Variants in ELOVL6 observed in about 807,000 individuals in gnomAD.
The protein encoded by ELOVL6 is ELOVL fatty acid elongase 6.
A neutral mutation model predicts 31.7 loss-of-function variants in ELOVL6; 8 were observed. The observed-to-expected ratio is 0.25, with a 90% CI of 0.15 to 0.45. ELOVL6 has a LOEUF of 0.45. Ranked by LOEUF, ELOVL6 falls within the 20% of genes least tolerant of loss-of-function variation. The pLI is 1.00. For missense variants in ELOVL6, 126 were observed against 326.4 expected, an observed-to-expected ratio of 0.39 and a Z score of 4.73; for synonymous variants, 101 against 117.7, an observed-to-expected ratio of 0.86 and a Z score of 0.92.
Position 110,051,287 on chromosome 4 carries a change from T to C in ELOVL6, c.*51A>G, listed in dbSNP as rs773300923. 4 of 1,559,086 alleles carry C rather than the reference T, an allele frequency of 2.6e-6. No individual in the cohort carries two copies. In the South Asian group the frequency reaches 4.8e-5, roughly 19 times the overall value. The stretch of plus-strand genomic sequence containing the variant: ...ATTCCTTGTGCCATTTTCTTTTGTC[T>C]ATTATTTTTCTTGATGACCCTGAGC... On this transcript the variant is annotated 3_prime_UTR_variant, in exon 4 of 4. Coordinates refer to ENST00000302274, the MANE Select transcript of ELOVL6 (RefSeq NM_024090.3). The surrounding 1 kb of genome is among the most constrained non-coding windows in gnomAD (Gnocchi z 4.8).
Position 110,109,586 on chromosome 4 carries a change from C to A in ELOVL6, c.90-3958G>T, listed in dbSNP as rs79937146. On this transcript the variant is annotated intron_variant, in intron 1 of 3. Coordinates refer to ENST00000302274, the MANE Select transcript of ELOVL6 (RefSeq NM_024090.3). ...TAGGACATGCTTTTTTGATTCTTAC[C>A]AGAGTAGCTGAGCAAGTTCTCACTT... Among the ~76,000 whole-genome samples, 770 of 152,132 alleles carry A rather than the reference C, an allele frequency of 5.1e-3. 6 individuals carry two copies. Among genetic ancestry groups the A allele is most frequent in the African/African-American group, 0.017 (720 of 41,490 alleles).
At chr4:110,073,693 C>T (rs1466895543) in intron 2 of ELOVL6, among the ~76,000 whole-genome samples, 1 of 152,130 alleles carries the variant, frequency 6.6e-6, no homozygotes, top group African/African-American at 2.4e-5. Context: ...AAAATTCCTT[C>T]CACCGCTGCC....
chr4:110,060,570 G>A (rs1285387661), intron 2 of ELOVL6, among the ~76,000 whole-genome samples: 1 of 152,178 alleles, frequency 6.6e-6, no homozygotes, highest in Non-Finnish European at 1.5e-5. Flanking sequence ...GAACTGGTAA[G>A]GAAATAGGAA....
rs1755085639 is a variant in ELOVL6 at position 110,059,670 on chromosome 4, A to T, written c.306T>A (p.Gly102=). 6.2e-7 allele frequency: 1 copy of T among 1,613,964 alleles called. No individual in the cohort carries two copies. ...KGLKQSVCDQ[G]FYNGPVSKFW... ...ATTTGCTGACAGGTCCATTGTAAAA[A>T]CCCTGGTCACAAACTGACTGCTTCA... Residue 102 remains glycine (G), a synonymous_variant, in exon 3 of 4, where the codon GGT becomes GGA. Coordinates refer to ENST00000302274, the MANE Select transcript of ELOVL6 (RefSeq NM_024090.3).
intron 1 of ELOVL6, among the ~76,000 whole-genome samples, chr4:110,181,130 C>T (rs1047022504): frequency 6.6e-6 from 1 of 150,716 alleles, no homozygotes; most frequent in African/African-American, 2.4e-5. Context: ...AGAGTAAGAC[C>T]CAGTCTCAAA....
intron 1 of ELOVL6, among the ~76,000 whole-genome samples, chr4:110,142,446 A>T (rs1337782370): frequency 6.6e-6 from 1 of 151,154 alleles, no homozygotes; most frequent in Non-Finnish European, 1.5e-5. Context: ...TCTAAAAATA[A>T]TTTATAAACA....
chr4:110,059,637 A>G lies in ELOVL6; in HGVS notation c.339T>C (p.Ala113=). The G allele has an allele frequency of 1.9e-6, 3 of 1,614,150 alleles. No individual in the cohort carries two copies. Among genetic ancestry groups the G allele is most frequent in the Non-Finnish European group, 2.5e-6 (3 of 1,179,990 alleles). ...GTGCTTTGCTTAGCACAAATGCATA[A>G]GCCCAGAATTTGCTGACAGGTCCAT... ...FYNGPVSKFW[A]YAFVLSKAPE... Residue 113 remains alanine (A), a synonymous_variant, in exon 3 of 4, where the codon GCT becomes GCC. Coordinates refer to ENST00000302274, the MANE Select transcript of ELOVL6 (RefSeq NM_024090.3).
At chr4:110,145,495 A>C (rs1578259440) in intron 1 of ELOVL6, among the ~76,000 whole-genome samples, 1 of 152,352 alleles carries the variant, frequency 6.6e-6, no homozygotes, top group East Asian at 1.9e-4. Flanking sequence ...CTGTCTATCC[A>C]CAACTATGTG....
At position 110,102,923 on chromosome 4, in the gene ELOVL6, G is replaced by A. The variant is rs865856241; in HGVS notation, c.221+2574C>T. On this transcript the variant is annotated intron_variant, in intron 2 of 3. Coordinates refer to ENST00000302274, the MANE Select transcript of ELOVL6 (RefSeq NM_024090.3). ...ATTCCCACGTGTTGTGGGAGGGATGGGGGACGGGGGGCGGGTAGGGGGTGG... is the reference window on the plus strand; with the variant it reads ...ATTCCCACGTGTTGTGGGAGGGATGAGGGACGGGGGGCGGGTAGGGGGTGG... Among the ~76,000 whole-genome samples the A allele has an allele frequency of 1.6e-3, 235 of 151,074 alleles. 2 individuals carry two copies. Among genetic ancestry groups the A allele is most frequent in the African/African-American group, 5.3e-3 (217 of 41,154 alleles).
chr4:110,060,336 G>T lies in ELOVL6; in HGVS notation c.222-582C>A, dbSNP rs560220714. The stretch of plus-strand genomic sequence containing the variant: ...ATGTCAGAATGAGACTCCTTCAAAA[G>T]CTTAGCTCTGTCACCTCCTCCAGGA... On this transcript the variant is annotated intron_variant, in intron 2 of 3. Coordinates refer to ENST00000302274, the MANE Select transcript of ELOVL6 (RefSeq NM_024090.3). Among the ~76,000 whole-genome samples the T allele has an allele frequency of 5.9e-5, 9 of 152,084 alleles. No individual in the cohort carries two copies. The South Asian group carries it at 1.9e-3, about 31-fold the overall frequency.
At chr4:110,193,142 T>C (rs1330292024) in intron 1 of ELOVL6, among the ~76,000 whole-genome samples, 1 of 152,224 alleles carries the variant, frequency 6.6e-6, no homozygotes, top group African/African-American at 2.4e-5. Context: ...ATGTCTGCAT[T>C]TGAACAGTTT....
At chr4:110,144,154 A>G (rs941527160) in intron 1 of ELOVL6, among the ~76,000 whole-genome samples, 1 of 151,978 alleles carries the variant, frequency 6.6e-6, no homozygotes, top group Non-Finnish European at 1.5e-5. Flanking sequence ...TCTGTCATAC[A>G]GGGGCATTCT....
chr4:110,167,527 A>G (rs572036231), intron 1 of ELOVL6, among the ~76,000 whole-genome samples: 1 of 144,848 alleles, frequency 6.9e-6, no homozygotes, highest in East Asian at 2.3e-4. Context: ...AAGGGGGAAC[A>G]TTATAAATTT....
intron 2 of ELOVL6, among the ~76,000 whole-genome samples, chr4:110,099,496 T>C (rs889765257): frequency 6.6e-6 from 1 of 152,132 alleles, no homozygotes; most frequent in Non-Finnish European, 1.5e-5. Context: ...TCTGGATTTG[T>C]GCAAATCAAG....
At chr4:110,182,154 T>C (rs1229159171) in intron 1 of ELOVL6, among the ~76,000 whole-genome samples, 1 of 152,220 alleles carries the variant, frequency 6.6e-6, no homozygotes. Flanking sequence ...TCCCATTAGA[T>C]ACATTCCTGG....
At chr4:110,149,253 C>T (rs1758216350) in intron 1 of ELOVL6, among the ~76,000 whole-genome samples, 1 of 152,192 alleles carries the variant, frequency 6.6e-6, no homozygotes, top group Admixed American at 6.5e-5. Flanking sequence ...TACGACTAAC[C>T]TTTGATCCAG....
At chr4:110,115,653 T>C (rs1757149654) in intron 1 of ELOVL6, among the ~76,000 whole-genome samples, 1 of 152,214 alleles carries the variant, frequency 6.6e-6, no homozygotes, top group Non-Finnish European at 1.5e-5. Flanking sequence ...TCCTTCAAAA[T>C]CTGAACTCTC....
At chr4:110,104,053 T>G (rs1007661644) in intron 2 of ELOVL6, among the ~76,000 whole-genome samples, 1 of 152,194 alleles carries the variant, frequency 6.6e-6, no homozygotes, top group Non-Finnish European at 1.5e-5. Context: ...AGCCAAGTGT[T>G]GACAATTGTT....
At chr4:110,198,107 A>G (rs1759873363) in intron 1 of ELOVL6, 140 bp downstream of exon 1, 10 of 444,138 alleles carry the variant, frequency 2.3e-5, no homozygotes, top group African/African-American at 2.4e-5. Flanking sequence ...TGCACCCGGG[A>G]GACCCGAGAA....
Sources: allele counts gnomAD v4.1 joint callset (sites outside exome capture counted in the v4.1 genomes callset), GRCh38; gene constraint gnomAD v4.1.1; non-coding constraint Gnocchi (gnomAD v3.1); transcripts MANE v1.5; gene names NCBI Gene and HGNC (gene_info 2026-07-23, HGNC 2026-07-21).